The following ARID1B variants were observed in gnomAD, a reference collection of about 807,000 sequenced individuals.
ARID1B encodes AT-rich interactive domain-containing protein 1B.
A neutral mutation model predicts 212.3 loss-of-function variants in ARID1B; 30 were observed. That is an observed-to-expected ratio of 0.14 (90% CI 0.11 to 0.19). The LOEUF (loss-of-function observed/expected upper bound fraction) is 0.19, where lower values mean the gene tolerates loss of function less well. ARID1B is among the 10% of genes least tolerant of loss of function. ARID1B has a pLI of 1.00. For missense variants in ARID1B, 2,891 were observed against 3,204.0 expected (o/e 0.90, Z 2.36); for synonymous variants, 1,402 against 1,301.7 (o/e 1.08, Z -1.66).
rs118073920 is a variant in ARID1B at position 156,867,168 on chromosome 6, C to A, written c.1987-34208C>A. Among the ~76,000 whole-genome samples the A allele has an allele frequency of 5.3e-4, 81 of 152,306 alleles. No homozygotes were observed. In the East Asian group the frequency reaches 0.014, roughly 26 times the overall value. ...TGTACACATGACATATCTGGACCTA[C>A]TAAAGGGTAGCAAAGAAAATCATAT... On this transcript the variant is annotated intron_variant, in intron 2 of 19. Coordinates refer to ENST00000636930, the MANE Select transcript of ARID1B (RefSeq NM_001374828.1).
At chr6:157,079,325 C>G (rs946871911) in intron 4 of ARID1B, among the ~76,000 whole-genome samples, 10 of 152,122 alleles carry the variant, frequency 6.6e-5, no homozygotes, top group African/African-American at 2.4e-4. Context: ...GGTATCTGGA[C>G]ATAAACACTA....
At chr6:156,898,885 C>T (rs938072176) in intron 2 of ARID1B, among the ~76,000 whole-genome samples, 2 of 152,086 alleles carry the variant, frequency 1.3e-5, no homozygotes, top group Admixed American at 6.5e-5. Context: ...GCAGGAGAAT[C>T]GTTTGAACCC....
chr6:157,143,514 A>G (rs148646128), intron 7 of ARID1B, among the ~76,000 whole-genome samples: 90 of 151,460 alleles, frequency 5.9e-4, no homozygotes, highest in Admixed American at 1.4e-3. Flanking sequence ...TGATGTTGTT[A>G]TGGCCATTGA....
At chr6:156,891,650 TG>T (rs1280445074) in intron 2 of ARID1B, among the ~76,000 whole-genome samples, 2 of 152,218 alleles carry the variant, frequency 1.3e-5, no homozygotes, top group African/African-American at 4.8e-5. Flanking sequence ...CAGAACTTTT[TG>T]TTATTAAATA....
intron 3 of ARID1B, among the ~76,000 whole-genome samples, chr6:156,925,301 T>C (rs1450116959): frequency 2.6e-5 from 4 of 152,210 alleles, no homozygotes; most frequent in Non-Finnish European, 5.9e-5. Flanking sequence ...CTGAGACTTA[T>C]CAGTAAGAAA....
intron 11 of ARID1B, among the ~76,000 whole-genome samples, chr6:157,177,592 A>G (rs758984929): frequency 1.3e-5 from 2 of 152,260 alleles, no homozygotes; most frequent in African/African-American, 2.4e-5. Flanking sequence ...ACACATACAC[A>G]TACACATATT....
intron 4 of ARID1B, among the ~76,000 whole-genome samples, chr6:156,982,339 C>A (rs548316723): frequency 1.3e-5 from 2 of 151,374 alleles, no homozygotes; most frequent in Non-Finnish European, 2.9e-5. Flanking sequence ...GCCATTGTGA[C>A]GTTGCCCTTT....
intron 2 of ARID1B, among the ~76,000 whole-genome samples, chr6:156,841,981 A>G (rs189676510): frequency 1.2e-4 from 18 of 152,360 alleles, no homozygotes; most frequent in Non-Finnish European, 7.3e-5. Context: ...TTTTTAAATA[A>G]TAAGACTGAT....
intron 3 of ARID1B, among the ~76,000 whole-genome samples, chr6:156,905,249 C>T (rs552001320): frequency 1.5e-4 from 20 of 136,832 alleles, no homozygotes; most frequent in Non-Finnish European, 2.5e-4. Flanking sequence ...CACATATGCA[C>T]GCACACACAC....
chr6:156,858,635 G>A (rs996006464), intron 2 of ARID1B, among the ~76,000 whole-genome samples: 10 of 152,080 alleles, frequency 6.6e-5, no homozygotes, highest in African/African-American at 2.4e-4. Flanking sequence ...CAGGTGTGGT[G>A]GCGTGTGCCT....
At chr6:156,994,662 C>T (rs1202512970) in intron 4 of ARID1B, among the ~76,000 whole-genome samples, 1 of 152,164 alleles carries the variant, frequency 6.6e-6, no homozygotes. Context: ...TGATCTGGGC[C>T]ATCCCCTGTG....
At chr6:157,064,448 A>G (rs1167861233) in intron 4 of ARID1B, among the ~76,000 whole-genome samples, 1 of 152,214 alleles carries the variant, frequency 6.6e-6, no homozygotes, top group Non-Finnish European at 1.5e-5. Flanking sequence ...TGATACGGAA[A>G]CATTCTTCTT....
chr6:156,859,324 T>C (rs1383012977), intron 2 of ARID1B, among the ~76,000 whole-genome samples: 2 of 152,202 alleles, frequency 1.3e-5, no homozygotes, highest in Non-Finnish European at 2.9e-5. Context: ...AACACTGTTA[T>C]GTGGTACATG....
Position 156,778,970 on chromosome 6 carries a change from G to GGCA in ARID1B, c.1298_1300dup (p.Ala433dup), listed in dbSNP as rs797045267. On this transcript the variant is annotated inframe_insertion, in exon 1 of 20. Transcript: ENST00000636930. ...TGGCGGCGGCGGCCGCGGCGGCGGC[G>GGCA]GCAGCAGCAGGAGGCGGCGGCGGCG... The GGCA allele has an allele frequency of 1.1e-3, 1,360 of 1,280,972 alleles. 2 individuals carry two copies. The highest frequency in any genetic ancestry group is 3.8e-3 in the Middle Eastern group (13 of 3,436). The allele number at this position is 1,280,972 out of a possible 1,614,324, so 79.4% of individuals were successfully genotyped here. A position where few individuals can be genotyped will look rare whatever the true frequency, so the allele number is the denominator to read the frequency against.
At chr6:157,058,266 CTTTT>C (rs767176770) in intron 4 of ARID1B, among the ~76,000 whole-genome samples, 1 of 137,384 alleles carries the variant, frequency 7.3e-6, no homozygotes. Context: ...TTATCTTGGT[CTTTT>C]TTTTTTTTTT....
chr6:156,987,057 C>T (rs1267526387), intron 4 of ARID1B, among the ~76,000 whole-genome samples: 3 of 151,484 alleles, frequency 2.0e-5, no homozygotes, highest in African/African-American at 4.9e-5. Flanking sequence ...GTGTGCCTGT[C>T]GTCGCAGCTG....
At chr6:157,091,988 C>CA (rs1785312208) in intron 5 of ARID1B, among the ~76,000 whole-genome samples, 1 of 152,042 alleles carries the variant, frequency 6.6e-6, no homozygotes, top group African/African-American at 2.4e-5. Context: ...GGAAATCCTG[C>CA]AACAGCTTGT....
chr6:156,851,869 G>A (rs1375054346), intron 2 of ARID1B, among the ~76,000 whole-genome samples: 2 of 152,156 alleles, frequency 1.3e-5, no homozygotes, highest in African/African-American at 2.4e-5. Context: ...CAAATTGACT[G>A]GCAGTAAATT....
intron 8 of ARID1B, among the ~76,000 whole-genome samples, chr6:157,155,836 A>T (rs528020035): frequency 6.6e-6 from 1 of 152,220 alleles, no homozygotes; most frequent in Admixed American, 6.5e-5. Context: ...AGCTGGGTCT[A>T]TTTACAAATG....
Sources: gnomAD v4.1 joint callset for allele counts (sites outside exome capture counted in the v4.1 genomes callset) on GRCh38, gnomAD v4.1.1 for gene constraint, MANE v1.5 for transcripts, NCBI Gene and HGNC (gene_info 2026-07-23, HGNC 2026-07-21) for gene names.